KAZN: variants seen among roughly 807,000 people sequenced by gnomAD.
KAZN encodes the protein kazrin, periplakin interacting protein.
Under a neutral mutation model 87.4 loss-of-function variants are expected in KAZN, and 40 were observed. The observed-to-expected ratio is 0.46, with a 90% CI of 0.36 to 0.60. The LOEUF is 0.60. Among genes scored for constraint, KAZN ranks in the 20% least tolerant of loss-of-function variants. KAZN has a pLI of 0.00. For synonymous variants in KAZN, 466 were observed against 458.3 expected, an observed-to-expected ratio of 1.02 and a Z score of -0.22; for missense variants, 898 against 1,073.9, an observed-to-expected ratio of 0.84 and a Z score of 2.29.
At chr1:14,355,442 T>C (rs1175504374) in intron 2 of KAZN, among the ~76,000 whole-genome samples, 2 of 150,294 alleles carry the variant, frequency 1.3e-5, no homozygotes, top group East Asian at 1.9e-4. Flanking sequence ...TTATTTATAT[T>C]ATACTTTAAG....
chr1:14,317,116 T>G (rs112310352), intron 2 of KAZN, among the ~76,000 whole-genome samples: 3,282 of 152,050 alleles, frequency 0.022, 130 homozygotes, highest in African/African-American at 0.075. Context: ...CTATTGATTA[T>G]TGAGAGAAGA....
At chr1:15,110,352 TTG>T (rs1200306305) in intron 13 of KAZN, among the ~76,000 whole-genome samples, 1 of 149,852 alleles carries the variant, frequency 6.7e-6, no homozygotes, top group African/African-American at 2.5e-5. Context: ...GTGTGTATGT[TTG>T]TGTGTATGTG....
Position 14,642,436 on chromosome 1 carries a change from T to A in KAZN, c.226+43213T>A, listed in dbSNP as rs77611493. Among the ~76,000 whole-genome samples, 972 of 152,164 alleles carry A rather than the reference T, an allele frequency of 6.4e-3. 8 individuals are homozygous for A. The highest frequency in any genetic ancestry group is 0.022 in the African/African-American group (932 of 41,526). On this transcript the variant is annotated intron_variant, in intron 1 of 14. Coordinates refer to ENST00000376030, the MANE Select transcript of KAZN (RefSeq NM_201628.3). ...AAATAAATAAATAACCATAGTGAGATACCAACACCCATCAAGTTAACACGG... is the reference window on the plus strand; with the variant it reads ...AAATAAATAAATAACCATAGTGAGAAACCAACACCCATCAAGTTAACACGG...
At chr1:14,113,255 T>A (rs1273105344) in intron 1 of KAZN, among the ~76,000 whole-genome samples, 1 of 152,202 alleles carries the variant, frequency 6.6e-6, no homozygotes, top group African/African-American at 2.4e-5. Flanking sequence ...ACAATCCCTG[T>A]CTCTTAGGGA....
intron 2 of KAZN, among the ~76,000 whole-genome samples, chr1:14,539,458 G>A (rs1049051839): frequency 6.6e-6 from 1 of 152,154 alleles, no homozygotes; most frequent in East Asian, 1.9e-4. Context: ...TCTTAGTTTT[G>A]ACAAATGTAC....
chr1:14,369,380 C>T lies in KAZN; in HGVS notation c.249+188788C>T, dbSNP rs1660286204. 2.0e-5 allele frequency among the ~76,000 whole-genome samples: 3 copies of T among 152,126 alleles called. No individual in the cohort carries two copies. The South Asian group carries it at 6.2e-4, about 32-fold the overall frequency. ...TTTACCTTAAAGGATGTGCATGAGC[C>T]TATTGTTTAAAATGCAGCCTCCACG... On this transcript the variant is annotated intron_variant, in intron 2 of 16. Transcript: ENST00000636203.
intron 1 of KAZN, among the ~76,000 whole-genome samples, chr1:14,871,833 G>A (rs557755581): frequency 1.3e-5 from 2 of 152,088 alleles, no homozygotes. Flanking sequence ...TCAGCCCCAC[G>A]TGAGTCTCAG....
intron 2 of KAZN, among the ~76,000 whole-genome samples, chr1:14,413,670 G>A (rs58676453): frequency 7.0e-6 from 1 of 143,706 alleles, no homozygotes; most frequent in African/African-American, 2.6e-5. Context: ...TCTTGGTAGA[G>A]AATTGCTTTT....
chr1:14,887,242 C>A (rs1385824019), intron 1 of KAZN, among the ~76,000 whole-genome samples: 1 of 151,866 alleles, frequency 6.6e-6, no homozygotes, highest in Non-Finnish European at 1.5e-5. Flanking sequence ...ATTTTTTTTC[C>A]TAAACTGATT....
Position 15,066,908 on chromosome 1 carries a change from T to A in KAZN, c.1222+1155T>A. ...CTCCCTCCAGGCCTTTCTCTATATA[T>A]TTATTTATCTGACATACAGAACACG... On this transcript the variant is annotated intron_variant, in intron 8 of 14. Transcript: ENST00000376030. This position sits in a 1 kb window ranked among gnomAD's most constrained non-coding sequence, Gnocchi z 4.3. 1 of 985,440 alleles carries A rather than the reference T, an allele frequency of 1.0e-6. No homozygotes were observed. Among genetic ancestry groups the A allele is most frequent in the Non-Finnish European group, 1.2e-6 (1 of 829,946 alleles). 61.0% of individuals were successfully genotyped at this position (985,440 alleles called of 1,614,324 possible).
chr1:14,362,943 C>T (rs1164028033), intron 2 of KAZN, among the ~76,000 whole-genome samples: 1 of 152,110 alleles, frequency 6.6e-6, no homozygotes, highest in Admixed American at 6.5e-5. Context: ...CATGAGGTCC[C>T]CCAATGGCAT....
intron 1 of KAZN, among the ~76,000 whole-genome samples, chr1:14,899,594 C>G (rs1655634988): frequency 1.3e-5 from 2 of 152,128 alleles, no homozygotes; most frequent in South Asian, 4.1e-4. Flanking sequence ...CATCAATGTC[C>G]CAAGAAAGTT....
intron 1 of KAZN, among the ~76,000 whole-genome samples, chr1:14,170,919 G>A (rs1832534): frequency 0.12 from 18,701 of 152,068 alleles, 1,273 homozygotes; most frequent in East Asian, 0.33. Context: ...ATGGGGTTTC[G>A]ATGAGGCTGG....
At chr1:14,088,814 A>G (rs1445209178) in intron 1 of KAZN, among the ~76,000 whole-genome samples, 1 of 151,832 alleles carries the variant, frequency 6.6e-6, no homozygotes, top group Non-Finnish European at 1.5e-5. Flanking sequence ...ATGTTCTTTT[A>G]TGAAGTCCAT....
chr1:14,276,536 A>T (rs1175231682), intron 2 of KAZN, among the ~76,000 whole-genome samples: 3 of 151,596 alleles, frequency 2.0e-5, no homozygotes, highest in African/African-American at 2.4e-5. Context: ...TGTGGAGAAG[A>T]CTCTGTTCCA....
intron 2 of KAZN, among the ~76,000 whole-genome samples, chr1:14,362,399 C>A (rs1453414690): frequency 1.3e-5 from 2 of 152,208 alleles, no homozygotes; most frequent in African/African-American, 4.8e-5. Flanking sequence ...AAGAGAGAGA[C>A]TCTTAGCCTG....
chr1:14,938,426 T>A (rs111964879), intron 1 of KAZN, among the ~76,000 whole-genome samples: 2,204 of 151,416 alleles, frequency 0.015, 64 homozygotes, highest in African/African-American at 0.051. Flanking sequence ...CCTGTAATCC[T>A]AGCTACTTGG....
intron 1 of KAZN, among the ~76,000 whole-genome samples, chr1:14,073,499 T>A (rs1643325353): frequency 6.6e-6 from 1 of 152,266 alleles, no homozygotes; most frequent in Non-Finnish European, 1.5e-5. Flanking sequence ...TTGCTGCACC[T>A]ATCAACCTGT....
At chr1:14,695,508 A>ATTTTTTTTTTTTTTTTTT (rs1230082930) in intron 1 of KAZN, among the ~76,000 whole-genome samples, 2 of 67,814 alleles carry the variant, frequency 2.9e-5, no homozygotes, top group Non-Finnish European at 3.3e-5. Flanking sequence ...ACTACATTCC[A>ATTTTTTTTTTTTTTTTTT]TCTTTTTTTT....
Sources: gnomAD v4.1 joint callset for allele counts (sites outside exome capture counted in the v4.1 genomes callset) on GRCh38, gnomAD v4.1.1 for gene constraint, Gnocchi (gnomAD v3.1) non-coding constraint, MANE v1.5 for transcripts, NCBI Gene and HGNC (gene_info 2026-07-23, HGNC 2026-07-21) for gene names.